STARD13: variants seen among roughly 807,000 people sequenced by gnomAD.
STARD13 encodes the protein stAR-related lipid transfer protein 13.
In STARD13, 62 loss-of-function variants were observed where a neutral mutation model predicts 106.4. That is an observed-to-expected ratio of 0.58 (90% confidence interval 0.48 to 0.72). The LOEUF is 0.72. STARD13 is among the 30% of genes least tolerant of loss of function. STARD13 has a pLI of 0.00. For missense variants in STARD13, 1,387 were observed against 1,424.0 expected (o/e 0.97, Z 0.42); for synonymous variants, 565 against 553.0 (o/e 1.02, Z -0.31).
the STARD13 span, among the ~76,000 whole-genome samples, chr13:33,569,596 CT>C: frequency 4.1e-5 from 6 of 147,168 alleles, 1 homozygote; most frequent in Admixed American, 7.0e-5. Context: ...AGAAAGAAAT[CT>C]TCTGCATATA....
At chr13:33,308,418 G>A (rs988331674) in intron 1 of STARD13, among the ~76,000 whole-genome samples, 4 of 151,304 alleles carry the variant, frequency 2.6e-5, no homozygotes, top group African/African-American at 9.7e-5. Flanking sequence ...ATGCGTATCT[G>A]CATTTCTTCC....
Position 33,165,421 on chromosome 13 carries a change from G to T in STARD13, c.242-3C>A, listed in dbSNP as rs1430024670. 6.2e-7 allele frequency: 1 copy of T among 1,610,148 alleles called. No individual in the cohort carries two copies. Among genetic ancestry groups the T allele is most frequent in the Non-Finnish European group, 8.5e-7 (1 of 1,176,606 alleles). ...AATGTTGATGGGAAATTGTGAATCT[G>T]AGAGAGAAAGACAAAGAAGTTGATG... On this transcript the variant is annotated splice_polypyrimidine_tract_variant and splice_region_variant and intron_variant, in intron 2 of 13. Coordinates refer to ENST00000336934, the MANE Select transcript of STARD13 (RefSeq NM_178006.4).
chr13:33,639,463 T>A, the STARD13 span, among the ~76,000 whole-genome samples: 1 of 152,218 alleles, frequency 6.6e-6, no homozygotes, highest in African/African-American at 2.4e-5. Flanking sequence ...AAGTCCTGAT[T>A]GGTTGAGAAA....
At chr13:33,512,624 C>T in the STARD13 span, among the ~76,000 whole-genome samples, 31 of 152,014 alleles carry the variant, frequency 2.0e-4, no homozygotes, top group East Asian at 1.9e-4. Flanking sequence ...CCCGCCATCA[C>T]GCCTGGCTAA....
chr13:33,477,853 C>T, the STARD13 span, among the ~76,000 whole-genome samples: 1 of 151,440 alleles, frequency 6.6e-6, no homozygotes, highest in Non-Finnish European at 1.5e-5. Flanking sequence ...CAAGTCTTAA[C>T]AATTGAGAAA....
intron 1 of STARD13, among the ~76,000 whole-genome samples, chr13:33,283,748 A>G (rs1173275640): frequency 6.6e-6 from 1 of 152,208 alleles, no homozygotes; most frequent in Non-Finnish European, 1.5e-5. Flanking sequence ...ACAAAAATGA[A>G]ACATAAACTG....
At chr13:33,275,400 A>C (rs1424716653) in intron 1 of STARD13, among the ~76,000 whole-genome samples, 1 of 152,224 alleles carries the variant, frequency 6.6e-6, no homozygotes, top group Admixed American at 6.5e-5. Flanking sequence ...TTGAGCACTT[A>C]GTATGTGCCA....
chr13:33,318,793 C>A (rs925690098), intron 1 of STARD13, among the ~76,000 whole-genome samples: 4 of 151,914 alleles, frequency 2.6e-5, no homozygotes, highest in Non-Finnish European at 5.9e-5. Flanking sequence ...TATACAAATG[C>A]ACATGAAAAG....
At chr13:33,492,271 T>C in the STARD13 span, among the ~76,000 whole-genome samples, 9 of 152,192 alleles carry the variant, frequency 5.9e-5, no homozygotes, top group African/African-American at 2.2e-4. Context: ...ATTGTAATAA[T>C]ACAGTTATCA....
the STARD13 span, among the ~76,000 whole-genome samples, chr13:33,532,194 T>G: frequency 6.6e-6 from 1 of 152,132 alleles, no homozygotes; most frequent in Non-Finnish European, 1.5e-5. Context: ...CAAAGTAAGT[T>G]TTTCTGGACA....
chr13:33,388,752 G>A, the STARD13 span, among the ~76,000 whole-genome samples: 31 of 152,210 alleles, frequency 2.0e-4, 1 homozygote, highest in East Asian at 5.2e-3. Flanking sequence ...CCACACCAAC[G>A]TTACTCAGAT....
At chr13:33,186,121 C>T in intron 1 of STARD13, 1 of 1,427,636 alleles carries the variant, frequency 7.0e-7, no homozygotes, top group Non-Finnish European at 9.4e-7. Flanking sequence ...CCCCAGTGAC[C>T]TGCGAAGCCT....
the STARD13 span, among the ~76,000 whole-genome samples, chr13:33,399,886 G>A: frequency 2.6e-5 from 4 of 152,096 alleles, no homozygotes; most frequent in African/African-American, 9.6e-5. Context: ...TGACGGCAAA[G>A]GGGTACAAGG....
the STARD13 span, among the ~76,000 whole-genome samples, chr13:33,499,604 TTTC>T: frequency 5.9e-3 from 236 of 39,868 alleles, 22 homozygotes; most frequent in East Asian, 0.031. Context: ...CTTCTTCTTC[TTTC>T]TTCTTCTTCT....
chr13:33,338,884 C>CAA (rs748411311), intron 1 of STARD13, among the ~76,000 whole-genome samples: 37 of 120,214 alleles, frequency 3.1e-4, no homozygotes, highest in African/African-American at 4.7e-4. Flanking sequence ...GACTCCGTCT[C>CAA]AAAAAAAAAA....
chr13:33,243,824 G>A (rs1889684024), intron 1 of STARD13, among the ~76,000 whole-genome samples: 1 of 152,120 alleles, frequency 6.6e-6, no homozygotes, highest in Admixed American at 6.5e-5. Flanking sequence ...TTAAGCCCAG[G>A]TCTGGCACCT....
chr13:33,474,934 A>G, the STARD13 span, among the ~76,000 whole-genome samples: 1 of 152,224 alleles, frequency 6.6e-6, no homozygotes, highest in Non-Finnish European at 1.5e-5. Context: ...TTTACAAGGA[A>G]GTAACTTGAA....
intron 1 of STARD13, chr13:33,333,677 T>G (rs892546361): frequency 2.6e-5 from 4 of 152,258 alleles, no homozygotes; most frequent in Non-Finnish European, 4.4e-5. Flanking sequence ...ATGCCTTTCA[T>G]GTCCTTCAGT....
chr13:33,286,929 GAGTGACATATATGT>G (rs1374475152), upstream of STARD13, among the ~76,000 whole-genome samples: 12 of 152,088 alleles, frequency 7.9e-5, no homozygotes, highest in African/African-American at 2.9e-4. Context: ...TACACACACT[GAGTGACATATATGT>G]ATATGTCATT....
Sources: gnomAD v4.1 joint callset for allele counts (sites outside exome capture counted in the v4.1 genomes callset) on GRCh38, gnomAD v4.1.1 for gene constraint, MANE v1.5 for transcripts, NCBI Gene and HGNC (gene_info 2026-07-23, HGNC 2026-07-21) for gene names.